Variants in ZNRF3 observed in about 807,000 individuals in gnomAD.
ZNRF3 encodes E3 ubiquitin-protein ligase ZNRF3.
A neutral mutation model predicts 72.5 loss-of-function variants in ZNRF3; 23 were observed. The ratio of observed to expected loss-of-function variants is 0.32; its 90% confidence interval spans 0.23 to 0.45. The LOEUF (loss-of-function observed/expected upper bound fraction) is 0.45. Among genes scored for constraint, ZNRF3 ranks in the 20% least tolerant of loss-of-function variants. ZNRF3 has a pLI of 1.00. For missense variants in ZNRF3, 1,169 were observed against 1,272.1 expected, an observed-to-expected ratio of 0.92 and a Z score of 1.23; for synonymous variants, 610 against 545.3, an observed-to-expected ratio of 1.12 and a Z score of -1.65.
At chr22:28,998,772 TTGAGATCCAC>T (rs2036091552) in intron 2 of ZNRF3, among the ~76,000 whole-genome samples, 2 of 152,292 alleles carry the variant, frequency 1.3e-5, no homozygotes, top group African/African-American at 4.8e-5. Context: ...AAACCATTAT[TTGAGATCCAC>T]TGGGAGGCTT....
chr22:28,930,688 T>C (rs2034690021), intron 1 of ZNRF3, among the ~76,000 whole-genome samples: 1 of 152,230 alleles, frequency 6.6e-6, no homozygotes, highest in Non-Finnish European at 1.5e-5. Context: ...ACTGGTATGT[T>C]ATTAATGAGC....
intron 1 of ZNRF3, among the ~76,000 whole-genome samples, chr22:28,974,110 A>G (rs1471200181): frequency 6.6e-6 from 1 of 152,002 alleles, no homozygotes; most frequent in Non-Finnish European, 1.5e-5. Context: ...GGCACCCACC[A>G]TCATGCCCGG....
rs764871720 is a variant in ZNRF3, at chr22:29,050,097, A to G, written c.1916A>G (p.His639Arg). 11 of 1,608,606 alleles carry G rather than the reference A, an allele frequency of 6.8e-6. No homozygotes were observed. The highest frequency in any genetic ancestry group is 8.5e-6 in the Non-Finnish European group (10 of 1,179,404). The change falls in exon 8 of 9, where the codon CAT (histidine) becomes CGT (arginine). Residue 639 changes from histidine to arginine, a missense_variant. Physicochemically the swap from His to Arg is conservative, Grantham distance 29. Around this residue, in one of 2 missense-constraint regions of ZNRF3, gnomAD observed 783 missense variants for 731.4 expected, o/e 1.07. Coordinates refer to ENST00000544604, the MANE Select transcript of ZNRF3 (RefSeq NM_001206998.2). ...PPEELPAVHS[H>R]GAGRGEPWPG... Reference sequence around the variant, plus strand: ...GAGGAGCTCCCGGCGGTGCACAGTCATGGTGCTGGGCGGGGCGAGCCTTGG... The same window carrying G: ...GAGGAGCTCCCGGCGGTGCACAGTCGTGGTGCTGGGCGGGGCGAGCCTTGG...
chr22:28,983,864 T>C (rs2035808268), intron 1 of ZNRF3, among the ~76,000 whole-genome samples: 1 of 152,208 alleles, frequency 6.6e-6, no homozygotes, highest in Non-Finnish European at 1.5e-5. Context: ...ACTGCAGAGC[T>C]TTAATTCACA....
intron 1 of ZNRF3, among the ~76,000 whole-genome samples, chr22:28,903,021 C>T (rs1334404066): frequency 1.3e-5 from 2 of 152,196 alleles, no homozygotes; most frequent in South Asian, 4.2e-4. Flanking sequence ...TCTACTTGCA[C>T]CTATGTCCCT....
chr22:28,996,401 G>A (rs2036046162), intron 2 of ZNRF3, among the ~76,000 whole-genome samples: 1 of 152,194 alleles, frequency 6.6e-6, no homozygotes, highest in South Asian at 2.1e-4. Context: ...AGATTTCTCA[G>A]ATTATAATTC....
chr22:29,007,725 C>T (rs1054603554), intron 2 of ZNRF3, among the ~76,000 whole-genome samples: 8 of 148,928 alleles, frequency 5.4e-5, no homozygotes, highest in Non-Finnish European at 1.0e-4. Context: ...TATCAGTTTG[C>T]CCCTTTCATA....
chr22:28,904,137 T>A (rs1186327343), intron 1 of ZNRF3, among the ~76,000 whole-genome samples: 5 of 152,094 alleles, frequency 3.3e-5, no homozygotes, highest in Non-Finnish European at 5.9e-5. Context: ...AGAAAACAAC[T>A]CCTAGTTAAC....
chr22:28,967,925 C>CAA (rs371787941), intron 1 of ZNRF3, among the ~76,000 whole-genome samples: 12 of 70,562 alleles, frequency 1.7e-4, no homozygotes, highest in Admixed American at 4.8e-4. Context: ...CACCGTGTCT[C>CAA]AAAAAAAAAA....
intron 2 of ZNRF3, among the ~76,000 whole-genome samples, chr22:28,994,674 G>A (rs538975473): frequency 3.4e-4 from 51 of 152,190 alleles, no homozygotes; most frequent in Admixed American, 2.4e-3. Flanking sequence ...GGATGACAGC[G>A]TGAATATGCT....
chr22:28,991,623 G>A (rs566660261), intron 2 of ZNRF3, among the ~76,000 whole-genome samples: 7 of 152,228 alleles, frequency 4.6e-5, no homozygotes, highest in African/African-American at 1.2e-4. Context: ...GGTGCTCGCC[G>A]AGTGCTGAGA....
At chr22:28,970,031 G>A (rs1050187137) in intron 1 of ZNRF3, among the ~76,000 whole-genome samples, 7 of 152,178 alleles carry the variant, frequency 4.6e-5, no homozygotes, top group African/African-American at 1.2e-4. Flanking sequence ...GACAGAAAAG[G>A]TTTGTTTTGG....
chr22:28,919,643 A>T (rs1370638754), intron 1 of ZNRF3, among the ~76,000 whole-genome samples: 1 of 148,950 alleles, frequency 6.7e-6, no homozygotes, highest in Non-Finnish European at 1.5e-5. Context: ...AGTAGCTGGG[A>T]TTACAGGCGC....
At chr22:29,006,213 C>CTTT (rs372438825) in intron 2 of ZNRF3, among the ~76,000 whole-genome samples, 44,960 of 105,858 alleles carry the variant, frequency 0.42, 9,359 homozygotes, top group Non-Finnish European at 0.48. Flanking sequence ...TCATCCGTTT[C>CTTT]TTTTTTTTTT....
chr22:28,962,029 T>C (rs1375066599), intron 1 of ZNRF3, among the ~76,000 whole-genome samples: 1 of 152,230 alleles, frequency 6.6e-6, no homozygotes, highest in African/African-American at 2.4e-5. Flanking sequence ...ATGTGGACTT[T>C]CTTCCTTGAG....
intron 2 of ZNRF3, among the ~76,000 whole-genome samples, chr22:29,016,244 A>G (rs891629970): frequency 1.3e-5 from 2 of 152,224 alleles, no homozygotes; most frequent in Admixed American, 1.3e-4. Context: ...AGCCCCTGTC[A>G]GGTGCATTCT....
In ZNRF3 at chr22:29,056,669, G is replaced by GC. The variant is rs1397046705; in HGVS notation, c.*3048dup. 2.0e-5 allele frequency: 3 copies of GC among 152,104 alleles called. No homozygotes were observed. Among genetic ancestry groups the GC allele is most frequent in the Non-Finnish European group, 4.4e-5 (3 of 68,038 alleles). 9.4% of individuals were successfully genotyped at this position (152,104 alleles called of 1,614,324 possible). ...CTCTAAGTTGGGGTGTGGCAGTTGG[G>GC]CAGGGTCAAGTGACCCAGCCCTGGC... On this transcript the variant is annotated 3_prime_UTR_variant, in exon 9 of 9. Transcript: ENST00000544604.
intron 2 of ZNRF3, among the ~76,000 whole-genome samples, chr22:29,011,408 T>C (rs868594919): frequency 3.3e-5 from 5 of 152,120 alleles, no homozygotes; most frequent in Non-Finnish European, 5.9e-5. Flanking sequence ...GGCAAGGAAG[T>C]GGGGACTGGC....
Position 29,043,437 on chromosome 22 carries a change from C to G in ZNRF3, c.633+7C>G. The G allele has an allele frequency of 6.2e-7, 1 of 1,613,008 alleles. No individual in the cohort carries two copies. The highest frequency in any genetic ancestry group is 8.5e-7 in the Non-Finnish European group (1 of 1,179,914). ...CCAGCACCGCCCTCCTCGAGTGAGC[C>G]TCCGCACCATTTGGCACAGGCTCGG... On this transcript the variant is annotated splice_region_variant and intron_variant, in intron 4 of 8. Transcript: ENST00000544604.
Sources: gnomAD v4.1 joint callset for allele counts (sites outside exome capture counted in the v4.1 genomes callset) on GRCh38, gnomAD v4.1.1 for gene constraint, gnomAD v4.1.1 regional missense constraint, MANE v1.5 for transcripts, NCBI Gene and HGNC (gene_info 2026-07-23, HGNC 2026-07-21) for gene names.